The following CACNB4 variants were observed in gnomAD, a reference collection of about 807,000 sequenced individuals.
The protein encoded by CACNB4 is calcium voltage-gated channel auxiliary subunit beta 4.
Under a neutral mutation model 71.2 loss-of-function variants are expected in CACNB4, and 32 were observed. The ratio of observed to expected loss-of-function variants is 0.45; its 90% CI spans 0.34 to 0.60. The LOEUF is 0.60. CACNB4 is among the 20% of genes least tolerant of loss of function. CACNB4 has a pLI of 0.01. For missense variants in CACNB4, 464 were observed against 647.9 expected, an observed-to-expected ratio of 0.72 and a Z score of 3.08; for synonymous variants, 231 against 236.9, an observed-to-expected ratio of 0.97 and a Z score of 0.23.
intron 2 of CACNB4, among the ~76,000 whole-genome samples, chr2:152,010,494 G>A (rs369041755): frequency 6.6e-6 from 1 of 152,144 alleles, no homozygotes; most frequent in East Asian, 1.9e-4. Flanking sequence ...CTAGGGCAAT[G>A]GGAAGGCAAA....
At chr2:151,992,343 A>ACCTACT (rs1681755592) in intron 2 of CACNB4, among the ~76,000 whole-genome samples, 1 of 152,212 alleles carries the variant, frequency 6.6e-6, no homozygotes, top group African/African-American at 2.4e-5. Context: ...AAAAAGCACG[A>ACCTACT]TTTCCTTCAG....
At position 151,987,285 on chromosome 2, in the gene CACNB4, T is replaced by G. The variant is rs1441977411; in HGVS notation, c.148-103915A>C. Among the ~76,000 whole-genome samples the G allele has an allele frequency of 2.0e-5, 3 of 152,196 alleles. No homozygotes were observed. The East Asian group carries it at 5.8e-4, about 29-fold the overall frequency. ...GAACTTCAAAACGTAAGTCTTAATATGGCAATGATATTCTTTACAGTATAC... is the reference window on the plus strand; with the variant it reads ...GAACTTCAAAACGTAAGTCTTAATAGGGCAATGATATTCTTTACAGTATAC... On this transcript the variant is annotated intron_variant, in intron 2 of 13. Coordinates refer to ENST00000539935, the MANE Select transcript of CACNB4 (RefSeq NM_000726.5).
chr2:151,847,999 T>C (rs2099838043), intron 12 of CACNB4, among the ~76,000 whole-genome samples: 1 of 152,234 alleles, frequency 6.6e-6, no homozygotes, highest in Non-Finnish European at 1.5e-5. Context: ...ACTTTGATTC[T>C]TTTGACTTCC....
chr2:151,986,321 C>T (rs1681368149), intron 2 of CACNB4, among the ~76,000 whole-genome samples: 1 of 152,204 alleles, frequency 6.6e-6, no homozygotes, highest in African/African-American at 2.4e-5. Flanking sequence ...ATACAGTAGA[C>T]AGAATAAGCA....
intron 2 of CACNB4, among the ~76,000 whole-genome samples, chr2:152,049,854 G>T (rs527347743): frequency 6.6e-6 from 1 of 152,222 alleles, no homozygotes; most frequent in East Asian, 1.9e-4. Context: ...CTTTTAGAGC[G>T]TTCAAGTTAA....
intron 2 of CACNB4, among the ~76,000 whole-genome samples, chr2:151,940,714 A>T (rs913175040): frequency 1.3e-5 from 2 of 152,172 alleles, no homozygotes; most frequent in South Asian, 4.1e-4. Context: ...AAGGAATACA[A>T]GGGAGGGTTA....
intron 2 of CACNB4, among the ~76,000 whole-genome samples, chr2:152,047,649 T>A (rs1685206896): frequency 6.6e-6 from 1 of 152,172 alleles, no homozygotes; most frequent in African/African-American, 2.4e-5. Context: ...ATCCCAGCAC[T>A]TTGAGAGGCC....
intron 2 of CACNB4, among the ~76,000 whole-genome samples, chr2:151,904,291 T>C (rs1280842596): frequency 6.6e-6 from 1 of 152,202 alleles, no homozygotes. Flanking sequence ...ATGGAGCCAT[T>C]ATTATTCCTC....
chr2:151,882,463 T>C (rs953261469), intron 3 of CACNB4, among the ~76,000 whole-genome samples: 1 of 152,120 alleles, frequency 6.6e-6, no homozygotes, highest in Non-Finnish European at 1.5e-5. Context: ...CAATATACCT[T>C]AGGAGTCTGT....
intron 2 of CACNB4, among the ~76,000 whole-genome samples, chr2:151,906,785 G>C (rs1175830755): frequency 2.0e-5 from 3 of 152,162 alleles, no homozygotes; most frequent in African/African-American, 7.2e-5. Context: ...ATGCTGAAAA[G>C]CTTGTCACTC....
At chr2:151,895,937 T>G (rs1001728282) in intron 2 of CACNB4, among the ~76,000 whole-genome samples, 2 of 151,768 alleles carry the variant, frequency 1.3e-5, no homozygotes, top group African/African-American at 4.8e-5. Flanking sequence ...CTCTGCCTCC[T>G]GGGTTCAAGC....
intron 2 of CACNB4, among the ~76,000 whole-genome samples, chr2:152,056,865 G>A (rs889265072): frequency 2.0e-5 from 3 of 150,654 alleles, no homozygotes; most frequent in Non-Finnish European, 4.4e-5. Flanking sequence ...CTTGTTCTCT[G>A]CTATGTGTCT....
chr2:151,956,560 T>C (rs1040532357), intron 2 of CACNB4, among the ~76,000 whole-genome samples: 8 of 151,886 alleles, frequency 5.3e-5, no homozygotes, highest in Non-Finnish European at 8.8e-5. Context: ...TAGGTATGAG[T>C]TTTCTTTTTG....
In CACNB4 at chr2:152,056,797, G is replaced by C. The variant is rs547721180; in HGVS notation, c.147+41533C>G. 2.1e-4 allele frequency among the ~76,000 whole-genome samples: 32 copies of C among 152,264 alleles called. 1 individual carries two copies. Among genetic ancestry groups the C allele is most frequent in the Middle Eastern group, 6.8e-3 (2 of 294 alleles). On this transcript the variant is annotated intron_variant, in intron 2 of 13. Coordinates refer to ENST00000539935, the MANE Select transcript of CACNB4 (RefSeq NM_000726.5). ...GTCTGAAATCCCTAGACAATAAGGC[G>C]AGAATGGTGATTATCCTATGGATAC...
intron 2 of CACNB4, among the ~76,000 whole-genome samples, chr2:151,965,555 C>A (rs145431081): frequency 6.6e-6 from 1 of 152,264 alleles, no homozygotes; most frequent in African/African-American, 2.4e-5. Context: ...AACAAATATT[C>A]TTGATGATTA....
At chr2:152,070,242 G>T (rs1417952355) in intron 2 of CACNB4, among the ~76,000 whole-genome samples, 1 of 152,182 alleles carries the variant, frequency 6.6e-6, no homozygotes, top group Admixed American at 6.5e-5. Flanking sequence ...TGATTTTTCT[G>T]TGGGAGGTAC....
chr2:151,873,866 G>A (rs1322162658), intron 5 of CACNB4: 1 of 152,204 alleles, frequency 6.6e-6, no homozygotes, highest in Non-Finnish European at 1.5e-5. Context: ...AGTGATGGAG[G>A]TGGGGACTGG....
intron 2 of CACNB4, among the ~76,000 whole-genome samples, chr2:152,023,591 C>G (rs1389467535): frequency 6.6e-6 from 1 of 152,102 alleles, no homozygotes; most frequent in African/African-American, 2.4e-5. Context: ...CCTGCCACCA[C>G]GCCCAGCTAA....
intron 2 of CACNB4, among the ~76,000 whole-genome samples, chr2:152,059,164 G>A (rs1270681703): frequency 6.6e-6 from 1 of 152,246 alleles, no homozygotes; most frequent in Non-Finnish European, 1.5e-5. Flanking sequence ...GTGCAGAAGG[G>A]AAATGTGGGG....
Sources: gnomAD v4.1 joint callset for allele counts (sites outside exome capture counted in the v4.1 genomes callset) on GRCh38, gnomAD v4.1.1 for gene constraint, MANE v1.5 for transcripts, NCBI Gene and HGNC (gene_info 2026-07-23, HGNC 2026-07-21) for gene names.